GET4: variants seen among roughly 807,000 people sequenced by gnomAD.
GET4 encodes Golgi to ER traffic protein 4 homolog.
Under a neutral mutation model 40.0 loss-of-function variants are expected in GET4, and 20 were observed. The ratio of observed to expected loss-of-function variants is 0.50; its 90% CI spans 0.35 to 0.73. GET4 has a LOEUF of 0.73. Ranked by LOEUF, GET4 falls within the 30% of genes least tolerant of loss-of-function variation. The probability of loss-of-function intolerance (pLI) is 0.01; values close to 1 mark genes in which losing one functional copy is unlikely to be tolerated. For missense variants in GET4, 557 were observed against 454.0 expected, an observed-to-expected ratio of 1.23 and a Z score of -2.06; for synonymous variants, 280 against 194.6, an observed-to-expected ratio of 1.44 and a Z score of -3.65.
Position 892,293 on chromosome 7 carries a change from A to C in GET4, c.621A>C (p.Lys207Asn), listed in dbSNP as rs1372898545. The C allele has an allele frequency of 6.3e-7, 1 of 1,588,422 alleles. No homozygotes were observed. The highest frequency in any genetic ancestry group is 1.3e-5 in the African/African-American group (1 of 74,650). ...TCATTTCCAGGTTTCTCTGTTTAAA[A>C]AACAAAAGTAGCGCATCGGTGGTCT... ...AQAVLQFLCL[K>N]NKSSASVVFT... The change falls in exon 6 of 9, where the codon AAA becomes AAC. Residue 207 changes from lysine (K) to asparagine (N), a missense_variant. Physicochemically the swap from Lys to Asn is moderately conservative, Grantham distance 94 (BLOSUM62 0). Transcript: ENST00000265857.
intron 6 of GET4, among the ~76,000 whole-genome samples, chr7:892,873 G>T (rs1381437510): frequency 7.3e-5 from 11 of 151,396 alleles, no homozygotes; most frequent in African/African-American, 2.7e-4. Flanking sequence ...GTGCAGGTAT[G>T]TGTGTTGTGT....
chr7:893,415 T>G (rs1339586100), intron 6 of GET4, among the ~76,000 whole-genome samples: 1 of 139,998 alleles, frequency 7.1e-6, no homozygotes, highest in African/African-American at 2.7e-5. Context: ...CGGTGGTGTG[T>G]GCAGGTGAGT....
rs1209502845 is a variant in GET4, at chr7:878,014, C to T, written c.155+1214C>T. 6 of 252,500 alleles carry T rather than the reference C, an allele frequency of 2.4e-5. No individual in the cohort carries two copies. The East Asian group carries it at 6.0e-4, about 25-fold the overall frequency. The allele number at this position is 252,500 out of a possible 1,614,324, so 15.6% of individuals were successfully genotyped here. A position where few individuals can be genotyped will look rare whatever the true frequency, so the allele number is the denominator to read the frequency against. On this transcript the variant is annotated intron_variant, in intron 1 of 8. Transcript: ENST00000265857. ...CTCCAGCCGGGCCCTACACCGGGCTCCGTAGGAAGTCGCTGGCGTTCCTCT... is the reference window on the plus strand; with the variant it reads ...CTCCAGCCGGGCCCTACACCGGGCTTCGTAGGAAGTCGCTGGCGTTCCTCT...
At chr7:877,501 C>T (rs1843986124) in intron 1 of GET4, among the ~76,000 whole-genome samples, 1 of 84,682 alleles carries the variant, frequency 1.2e-5, no homozygotes, top group African/African-American at 5.1e-5. Flanking sequence ...TCTGCCCACC[C>T]CCCGTCTCTC....
At chr7:881,454 C>T (rs960805460) in intron 1 of GET4, 2 of 151,318 alleles carry the variant, frequency 1.3e-5, no homozygotes, top group African/African-American at 4.8e-5. Context: ...TTCTGTCTAA[C>T]CGCTTGAATT....
chr7:889,243 ACGGTGC>A (rs1199446106), intron 4 of GET4, among the ~76,000 whole-genome samples: 3 of 152,222 alleles, frequency 2.0e-5, no homozygotes, highest in Non-Finnish European at 4.4e-5. Flanking sequence ...CGACACCGTG[ACGGTGC>A]TGTGGGACTT....
intron 1 of GET4, chr7:883,997 C>G: frequency 1.8e-6 from 2 of 1,127,326 alleles, no homozygotes; most frequent in South Asian, 2.0e-5. Flanking sequence ...AAGGCGCAGT[C>G]CAAACCAGGC....
intron 4 of GET4, among the ~76,000 whole-genome samples, chr7:888,593 A>C (rs1379032965): frequency 6.6e-6 from 1 of 152,214 alleles, no homozygotes; most frequent in Non-Finnish European, 1.5e-5. Flanking sequence ...CGGGGCACCC[A>C]CAGGGAGATG....
intron 4 of GET4, among the ~76,000 whole-genome samples, chr7:889,630 A>G (rs2128628623): frequency 6.8e-6 from 1 of 148,070 alleles, no homozygotes; most frequent in East Asian, 1.9e-4. Flanking sequence ...CAAGGCATGC[A>G]TGGGGCCTGG....
chr7:876,600 C>T lies in GET4; in HGVS notation c.-46C>T. On this transcript the variant is annotated 5_prime_UTR_variant, in exon 1 of 9. Coordinates refer to ENST00000265857, the MANE Select transcript of GET4 (RefSeq NM_015949.3). The stretch of plus-strand genomic sequence containing the variant: ...CGGGACGGAAGCCGGGAGGCGCTGC[C>T]GACCGCGCCTGCGACAGCGTCAGCC... The T allele has an allele frequency of 2.6e-6, 3 of 1,160,902 alleles. No homozygotes were observed. Among genetic ancestry groups the T allele is most frequent in the African/African-American group, 3.3e-5 (2 of 61,442 alleles). The allele number at this position is 1,160,902 out of a possible 1,614,324, so 71.9% of individuals were successfully genotyped here.
intron 4 of GET4, among the ~76,000 whole-genome samples, 169 bp downstream of exon 4, chr7:887,688 G>C (rs1004552624): frequency 6.6e-6 from 1 of 152,228 alleles, no homozygotes; most frequent in Non-Finnish European, 1.5e-5. Flanking sequence ...CCCGGGATCA[G>C]AGCCACTGCA....
At chr7:892,547 AT>A in intron 6 of GET4, 129 bp downstream of exon 6, 1 of 940,406 alleles carries the variant, frequency 1.1e-6, no homozygotes, top group Non-Finnish European at 1.6e-6. Flanking sequence ...GGGTATATGC[AT>A]AGGGTATGAG....
chr7:884,119 C>T, intron 1 of GET4: 1 of 1,217,296 alleles, frequency 8.2e-7, no homozygotes, highest in Non-Finnish European at 1.1e-6. Flanking sequence ...GTCGCCACCT[C>T]TTGCTTTACC....
chr7:878,208 T>TCGGGACTGTGAC, intron 1 of GET4: 2 of 469,070 alleles, frequency 4.3e-6, no homozygotes, highest in Non-Finnish European at 4.4e-6. Flanking sequence ...TGCACGCCCC[T>TCGGGACTGTGAC]CGGGACTGTG....
chr7:886,161 C>T (rs1844183725), intron 2 of GET4, 27 bp downstream of exon 2: 16 of 1,462,120 alleles, frequency 1.1e-5, no homozygotes, highest in African/African-American at 1.4e-5. Context: ...CCTCCTGCAT[C>T]CCTTTCTGCT....
chr7:895,229 T>G (rs1351415595), intron 8 of GET4, 105 bp from the exon 9 acceptor site: 1 of 633,144 alleles, frequency 1.6e-6, no homozygotes, highest in African/African-American at 1.8e-5. Flanking sequence ...TTTTGCTTGT[T>G]CCATGGGACA....
Position 893,720 on chromosome 7 carries a change from C to G in GET4, c.747-20C>G. 1 of 1,550,118 alleles carries G rather than the reference C, an allele frequency of 6.5e-7. No homozygotes were observed. Among genetic ancestry groups the G allele is most frequent in the Non-Finnish European group, 8.9e-7 (1 of 1,126,922 alleles). The stretch of plus-strand genomic sequence containing the variant: ...TCCTGTTCTGCTCACCCAGCACATC[C>G]CTGTGTGTCTCTGTCCCAGTGGGAA... On this transcript the variant is annotated intron_variant, in intron 6 of 8. Transcript: ENST00000265857.
In GET4 at chr7:886,037, G is replaced by A. The variant is rs199962638; in HGVS notation, c.156-19G>A. 2.0e-5 allele frequency: 31 copies of A among 1,525,692 alleles called. No individual in the cohort carries two copies. In the East Asian group the frequency reaches 3.6e-4, roughly 18 times the overall value. 94.5% of individuals were successfully genotyped at this position (1,525,692 alleles called of 1,614,324 possible). On this transcript the variant is annotated intron_variant, in intron 1 of 8. Transcript: ENST00000265857. ...GCGAGGGCACGTGGGCGTGGCTCAC[G>A]GTCTCCTCTCTGTGGCAGGTACATG... is the stretch of plus-strand genomic sequence containing the variant.
At chr7:888,658 G>A (rs1225843166) in intron 4 of GET4, among the ~76,000 whole-genome samples, 1 of 152,266 alleles carries the variant, frequency 6.6e-6, no homozygotes, top group East Asian at 1.9e-4. Flanking sequence ...TTCCTCAGAA[G>A]GGGCTGGCCC....
Sources: allele counts gnomAD v4.1 joint callset (sites outside exome capture counted in the v4.1 genomes callset), GRCh38; gene constraint gnomAD v4.1.1; transcripts MANE v1.5; gene names NCBI Gene and HGNC (gene_info 2026-07-23, HGNC 2026-07-21).